The following LSAMP variants were observed in gnomAD, a reference collection of about 807,000 sequenced individuals.
The protein encoded by LSAMP is limbic system-associated membrane protein.
In LSAMP, 7 loss-of-function variants were observed where a neutral mutation model predicts 38.6. The observed-to-expected ratio is 0.18, with a 90% confidence interval of 0.10 to 0.34. The LOEUF is 0.34. Ranked by LOEUF, LSAMP falls within the 10% of genes least tolerant of loss-of-function variation. The pLI is 1.00. For synonymous variants in LSAMP, 154 were observed against 166.8 expected (o/e 0.92, Z 0.59); for missense variants, 313 against 420.0 (o/e 0.75, Z 2.23).
rs72950111 is a variant in LSAMP, at chr3:116,298,399, A to C, written c.155+146478T>G. Among the ~76,000 whole-genome samples the C allele has an allele frequency of 1.7e-3, 260 of 152,182 alleles. 2 individuals are homozygous for C. Among genetic ancestry groups the C allele is most frequent in the African/African-American group, 6.0e-3 (249 of 41,512 alleles). On this transcript the variant is annotated intron_variant, in intron 1 of 6. Transcript: ENST00000490035. ...TTGCTGGCTCCACATGTCTGAATGC[A>C]TTTGAGAGATGTATGTGTTCAGAAG...
intron 1 of LSAMP, among the ~76,000 whole-genome samples, chr3:116,245,378 A>T (rs776621543): frequency 9.9e-5 from 15 of 152,192 alleles, no homozygotes; most frequent in Non-Finnish European, 2.1e-4. Flanking sequence ...CATGTTACAG[A>T]CAAATAATCT....
At chr3:116,271,847 G>A (rs2046978285) in intron 1 of LSAMP, among the ~76,000 whole-genome samples, 1 of 151,956 alleles carries the variant, frequency 6.6e-6, no homozygotes, top group Non-Finnish European at 1.5e-5. Context: ...GCTCCTTTCT[G>A]CTATAGAGAA....
At chr3:116,030,706 T>C (rs1331508000) in intron 2 of LSAMP, among the ~76,000 whole-genome samples, 5 of 152,116 alleles carry the variant, frequency 3.3e-5, no homozygotes, top group African/African-American at 9.7e-5. Flanking sequence ...CAAATAGCAA[T>C]TGAATGAATT....
intron 1 of LSAMP, among the ~76,000 whole-genome samples, chr3:116,237,047 G>C (rs2046473640): frequency 6.6e-6 from 1 of 151,602 alleles, no homozygotes; most frequent in Non-Finnish European, 1.5e-5. Context: ...AGTTTGTAAG[G>C]TAAAATTGAA....
At position 116,028,750 on chromosome 3, in the gene LSAMP, G is replaced by A. The variant is rs148265491; in HGVS notation, c.389-9110C>T. ...ATGGTAAAATAGCCTATGCATTTCTGTGGCTAATGGCATTCTAGTTATATT... is the reference window on the plus strand; with the variant it reads ...ATGGTAAAATAGCCTATGCATTTCTATGGCTAATGGCATTCTAGTTATATT... On this transcript the variant is annotated intron_variant, in intron 2 of 6. Coordinates refer to ENST00000490035, the MANE Select transcript of LSAMP (RefSeq NM_002338.5). Among the ~76,000 whole-genome samples, 702 of 152,222 alleles carry A rather than the reference G, an allele frequency of 4.6e-3. 2 individuals are homozygous for A. Among genetic ancestry groups the A allele is most frequent in the African/African-American group, 0.016 (672 of 41,554 alleles).
chr3:116,306,677 T>G (rs910553201), intron 1 of LSAMP, among the ~76,000 whole-genome samples: 2 of 151,998 alleles, frequency 1.3e-5, no homozygotes, highest in African/African-American at 4.8e-5. Flanking sequence ...AAGAGATGAG[T>G]TGGAAAAGAG....
In LSAMP at chr3:115,810,237, CTCTCTCTG is replaced by C. The variant is rs1933775395; in HGVS notation, c.*72_*79del. On this transcript the variant is annotated 3_prime_UTR_variant, in exon 7 of 7. Transcript: ENST00000490035. The stretch of plus-strand genomic sequence containing the variant: ...GTCTCCCCCATCTCTCTCTCTCTCT[CTCTCTCTG>C]TCTCTCTCTCTCTGTATTCTGTGTG... 3.1e-6 allele frequency: 3 copies of C among 971,072 alleles called. No individual in the cohort carries two copies. The highest frequency in any genetic ancestry group is 3.5e-5 in the African/African-American group (2 of 57,758). The allele number at this position is 971,072 out of a possible 1,614,324, so 60.2% of individuals were successfully genotyped here.
At chr3:116,160,323 C>T (rs995205305) in intron 1 of LSAMP, among the ~76,000 whole-genome samples, 5 of 147,160 alleles carry the variant, frequency 3.4e-5, no homozygotes, top group African/African-American at 9.9e-5. Flanking sequence ...TGCTTGAACC[C>T]GGGAGGCGGA....
intron 1 of LSAMP, among the ~76,000 whole-genome samples, chr3:116,183,366 G>C (rs1327450928): frequency 6.6e-6 from 1 of 151,876 alleles, no homozygotes; most frequent in Non-Finnish European, 1.5e-5. Flanking sequence ...ATATGTACAA[G>C]TAAGACAATG....
intron 3 of LSAMP, among the ~76,000 whole-genome samples, chr3:115,944,315 C>T (rs1389550449): frequency 3.3e-5 from 5 of 152,106 alleles, no homozygotes; most frequent in African/African-American, 1.2e-4. Flanking sequence ...TGGATACATG[C>T]ATTGTTATCA....
chr3:116,314,527 T>C (rs1235841643), intron 1 of LSAMP, among the ~76,000 whole-genome samples: 1 of 152,120 alleles, frequency 6.6e-6, no homozygotes, highest in Non-Finnish European at 1.5e-5. Context: ...GCATCCCCCA[T>C]CCTGTAAAAT....
At chr3:116,380,694 A>T in intron 1 of LSAMP, among the ~76,000 whole-genome samples, 1 of 152,102 alleles carries the variant, frequency 6.6e-6, no homozygotes, top group East Asian at 1.9e-4. Flanking sequence ...CATTCTGGAC[A>T]TTCTTCCATA....
At chr3:115,832,882 C>T (rs904607555) in intron 6 of LSAMP, among the ~76,000 whole-genome samples, 2 of 152,204 alleles carry the variant, frequency 1.3e-5, no homozygotes, top group African/African-American at 2.4e-5. Flanking sequence ...GAAAATCCCT[C>T]GTGTTCCATC....
chr3:116,113,724 C>T (rs939586442), intron 1 of LSAMP, among the ~76,000 whole-genome samples: 2 of 151,992 alleles, frequency 1.3e-5, no homozygotes, highest in African/African-American at 2.4e-5. Flanking sequence ...CGCGCCCGGC[C>T]CTTTGCCCTA....
intron 3 of LSAMP, among the ~76,000 whole-genome samples, chr3:115,922,826 CT>C: frequency 6.6e-6 from 1 of 152,150 alleles, no homozygotes; most frequent in Non-Finnish European, 1.5e-5. Flanking sequence ...ATGCTGGTTT[CT>C]TTTGCAGGAG....
chr3:115,877,624 A>T (rs1936216324), intron 3 of LSAMP, among the ~76,000 whole-genome samples: 1 of 152,144 alleles, frequency 6.6e-6, no homozygotes, highest in African/African-American at 2.4e-5. Context: ...CTTCCCTACT[A>T]GAAGCAGAGG....
chr3:116,366,484 A>C (rs1297105095), intron 1 of LSAMP, among the ~76,000 whole-genome samples: 2 of 152,156 alleles, frequency 1.3e-5, no homozygotes, highest in African/African-American at 4.8e-5. Context: ...ATGGCCATCC[A>C]TTCTCAGTGG....
chr3:115,998,568 G>A (rs904958512), intron 3 of LSAMP, among the ~76,000 whole-genome samples: 1 of 152,084 alleles, frequency 6.6e-6, no homozygotes, highest in African/African-American at 2.4e-5. Flanking sequence ...CAGAAGTGCT[G>A]TCATCACCTG....
At chr3:116,050,533 G>GAAA (rs35972347) in intron 2 of LSAMP, among the ~76,000 whole-genome samples, 54,547 of 138,548 alleles carry the variant, frequency 0.39, 10,024 homozygotes, top group Admixed American at 0.44. Context: ...AAATTAGGGG[G>GAAA]AAAAAAAAAA....
Sources: gnomAD v4.1 joint callset for allele counts (sites outside exome capture counted in the v4.1 genomes callset) on GRCh38, gnomAD v4.1.1 for gene constraint, MANE v1.5 for transcripts, NCBI Gene and HGNC (gene_info 2026-07-23, HGNC 2026-07-21) for gene names.